The following GALNT2 variants were observed in gnomAD, a reference collection of about 807,000 sequenced individuals.
The protein encoded by GALNT2 is UDP-GalNAc:polypeptide N-acetylgalactosaminyltransferase 2.
Under a neutral mutation model 81.4 loss-of-function variants are expected in GALNT2, and 31 were observed. The observed-to-expected ratio is 0.38, with a 90% CI of 0.29 to 0.51. The LOEUF (loss-of-function observed/expected upper bound fraction) is 0.51, where lower values mean the gene tolerates loss of function less well. Ranked by LOEUF, GALNT2 falls within the 20% of genes least tolerant of loss-of-function variation. GALNT2 has a pLI of 0.87. For synonymous variants in GALNT2, 303 were observed against 287.4 expected, an observed-to-expected ratio of 1.05 and a Z score of -0.55; for missense variants, 629 against 765.7, an observed-to-expected ratio of 0.82 and a Z score of 2.11.
In GALNT2 at chr1:230,271,240, C is replaced by T. The variant is rs1379958102; in HGVS notation, c.1441-3205C>T. ...TCTTCCTGGCCCTCTCCATCCTGAACGCCATCTGCCTATGGGAAACACACA... is the reference window on the plus strand; with the variant it reads ...TCTTCCTGGCCCTCTCCATCCTGAATGCCATCTGCCTATGGGAAACACACA... On this transcript the variant is annotated intron_variant, in intron 14 of 15. Coordinates refer to ENST00000366672, the MANE Select transcript of GALNT2 (RefSeq NM_004481.5). This position sits in a 1 kb window ranked among gnomAD's most constrained non-coding sequence, Gnocchi z 4.2. 1.3e-5 allele frequency among the ~76,000 whole-genome samples: 2 copies of T among 152,222 alleles called. No individual in the cohort carries two copies. Among genetic ancestry groups the T allele is most frequent in the Admixed American group, 6.5e-5 (1 of 15,286 alleles).
At chr1:230,120,536 C>T (rs75207964) in intron 1 of GALNT2, among the ~76,000 whole-genome samples, 6,954 of 152,204 alleles carry the variant, frequency 0.046, 236 homozygotes, top group Non-Finnish European at 0.069. Flanking sequence ...AGTGGAGTCC[C>T]GGGCCTCTCC....
intron 1 of GALNT2, among the ~76,000 whole-genome samples, chr1:230,177,314 C>T (rs893252737): frequency 3.9e-5 from 6 of 152,230 alleles, no homozygotes; most frequent in East Asian, 1.9e-4. Flanking sequence ...TTCCCCGCCC[C>T]GCAGGGAGGG....
intron 1 of GALNT2, among the ~76,000 whole-genome samples, chr1:230,116,408 T>C (rs1215437365): frequency 1.3e-5 from 2 of 152,172 alleles, no homozygotes; most frequent in Non-Finnish European, 2.9e-5. Flanking sequence ...TTTTGTATTT[T>C]TAGTAGAGAC....
intron 1 of GALNT2, among the ~76,000 whole-genome samples, chr1:230,115,861 A>G (rs976518790): frequency 1.3e-5 from 2 of 152,236 alleles, no homozygotes; most frequent in East Asian, 3.8e-4. Context: ...TGCTCACAGC[A>G]TGTTCCCTAG....
intron 3 of GALNT2, among the ~76,000 whole-genome samples, chr1:230,207,781 G>C (rs1218171673): frequency 6.6e-6 from 1 of 152,044 alleles, no homozygotes; most frequent in African/African-American, 2.4e-5. Flanking sequence ...GGGTCTTACT[G>C]TGTTGCCCAG....
rs1445439177 is a variant in GALNT2, at chr1:230,083,421, G to C, written c.126+16015G>C. On this transcript the variant is annotated intron_variant, in intron 1 of 15. Transcript: ENST00000366672. Reference sequence around the variant, plus strand: ...GAGCAGGGAGCGGGATGATGGAGCGGGGAGCCAAGATGATGGAGCAGGGAG... The same window carrying C: ...GAGCAGGGAGCGGGATGATGGAGCGCGGAGCCAAGATGATGGAGCAGGGAG... Among the ~76,000 whole-genome samples, 4 of 151,252 alleles carry C rather than the reference G, an allele frequency of 2.6e-5. No homozygotes were observed. In the East Asian group the frequency reaches 7.8e-4, roughly 30 times the overall value.
Position 230,265,226 on chromosome 1 carries a change from C to A in GALNT2, c.1314-15C>A. 1 of 1,614,120 alleles carries A rather than the reference C, an allele frequency of 6.2e-7. No homozygotes were observed. The highest frequency in any genetic ancestry group is 1.1e-5 in the South Asian group (1 of 91,070). The stretch of plus-strand genomic sequence containing the variant: ...CATGTGCAGTGAAGCAGGTGATTCT[C>A]ACGTTGTTTTTCAGGGTTCCAGACC... On this transcript the variant is annotated splice_polypyrimidine_tract_variant and intron_variant, in intron 13 of 15. Coordinates refer to ENST00000366672, the MANE Select transcript of GALNT2 (RefSeq NM_004481.5).
chr1:230,236,184 G>A (rs1665024476), intron 4 of GALNT2, 72 bp downstream of exon 4: 1 of 1,502,614 alleles, frequency 6.7e-7, no homozygotes, highest in South Asian at 1.2e-5. Context: ...AGTCAGACCA[G>A]GGCTGTCAGT....
chr1:230,279,169 T>C lies in GALNT2; in HGVS notation c.1561-134T>C. ...GGGGCTGCTGCAAGCTCCTCGGCCG[T>C]TCAGATGAGAGGCTGGGAAAAACGT... On this transcript the variant is annotated intron_variant, in intron 15 of 15. Coordinates refer to ENST00000366672, the MANE Select transcript of GALNT2 (RefSeq NM_004481.5). This position sits in a 1 kb window ranked among gnomAD's most constrained non-coding sequence, Gnocchi z 4.6. The C allele has an allele frequency of 1.0e-6, 1 of 961,136 alleles. No individual in the cohort carries two copies. The highest frequency in any genetic ancestry group is 1.8e-5 in the South Asian group (1 of 56,736). The allele number at this position is 961,136 out of a possible 1,614,324, so 59.5% of individuals were successfully genotyped here.
intron 3 of GALNT2, 76 bp downstream of exon 3, chr1:230,203,366 A>G (rs1663967599): frequency 6.7e-7 from 1 of 1,494,210 alleles, no homozygotes; most frequent in African/African-American, 1.4e-5. Context: ...CACCTGTGAC[A>G]CTAGAACTTC....
intron 1 of GALNT2, among the ~76,000 whole-genome samples, chr1:230,112,015 A>G (rs1400821268): frequency 6.6e-6 from 1 of 151,948 alleles, no homozygotes; most frequent in Non-Finnish European, 1.5e-5. Flanking sequence ...AAGGGAATTT[A>G]TTGTGGGGAC....
chr1:230,092,707 T>G (rs1660131215), intron 1 of GALNT2, among the ~76,000 whole-genome samples: 1 of 152,206 alleles, frequency 6.6e-6, no homozygotes, highest in Non-Finnish European at 1.5e-5. Context: ...TCCTTTAACT[T>G]GTAGAGCATG....
At chr1:230,190,291 C>T (rs752652988) in intron 2 of GALNT2, among the ~76,000 whole-genome samples, 1 of 152,230 alleles carries the variant, frequency 6.6e-6, no homozygotes, top group Admixed American at 6.5e-5. Context: ...TTGCCCTGGG[C>T]GTATACCCAG....
At chr1:230,158,645 G>T (rs1225542765) in intron 1 of GALNT2, among the ~76,000 whole-genome samples, 1 of 152,188 alleles carries the variant, frequency 6.6e-6, no homozygotes, top group Non-Finnish European at 1.5e-5. Context: ...CTGGGGCTCT[G>T]GCAAAGTGTC....
chr1:230,114,570 C>T (rs1229428713), intron 1 of GALNT2, among the ~76,000 whole-genome samples: 1 of 152,218 alleles, frequency 6.6e-6, no homozygotes, highest in Non-Finnish European at 1.5e-5. Context: ...ACAGGGGAAA[C>T]AGCGTTGGCG....
At chr1:230,253,962 A>G (rs1036658185) in intron 10 of GALNT2, among the ~76,000 whole-genome samples, 1 of 151,948 alleles carries the variant, frequency 6.6e-6, no homozygotes, top group Admixed American at 6.6e-5. Flanking sequence ...TGGGAATACT[A>G]TCCAGCCAGA....
chr1:230,094,710 GT>G (rs1277872579), intron 1 of GALNT2, among the ~76,000 whole-genome samples: 1 of 152,220 alleles, frequency 6.6e-6, no homozygotes, highest in Non-Finnish European at 1.5e-5. Context: ...GGTGTATGTA[GT>G]AGAATTAAAA....
chr1:230,264,753 G>A (rs1439004267), intron 13 of GALNT2: 1 of 153,194 alleles, frequency 6.5e-6, no homozygotes, highest in Non-Finnish European at 1.5e-5. Flanking sequence ...GCTGAGGTTT[G>A]GATCTGGTTC....
chr1:230,101,819 C>A (rs1045431461), intron 1 of GALNT2, among the ~76,000 whole-genome samples: 1 of 152,190 alleles, frequency 6.6e-6, no homozygotes, highest in Non-Finnish European at 1.5e-5. Flanking sequence ...GCCTCCTCCT[C>A]TGGTAATTTG....
Sources: allele counts gnomAD v4.1 joint callset (sites outside exome capture counted in the v4.1 genomes callset), GRCh38; gene constraint gnomAD v4.1.1; non-coding constraint Gnocchi (gnomAD v3.1); transcripts MANE v1.5; gene names NCBI Gene and HGNC (gene_info 2026-07-23, HGNC 2026-07-21).